Variants in COL13A1 observed in about 807,000 individuals in gnomAD.
The protein encoded by COL13A1 is collagen type XIII alpha 1 chain, also known as collagen alpha-1(XIII) chain.
In COL13A1, 89 loss-of-function variants were observed where a neutral mutation model predicts 130.9. The observed-to-expected ratio is 0.68, with a 90% confidence interval of 0.57 to 0.81. The LOEUF is 0.81. COL13A1 is among the 30% of genes least tolerant of loss of function. COL13A1 has a pLI of 0.00. For missense variants in COL13A1, 879 were observed against 934.6 expected (o/e 0.94, Z 0.78); for synonymous variants, 402 against 341.6 (o/e 1.18, Z -1.95).
chr10:69,896,335 G>T (rs1338292302), intron 13 of COL13A1, among the ~76,000 whole-genome samples: 1 of 152,094 alleles, frequency 6.6e-6, no homozygotes, highest in Non-Finnish European at 1.5e-5. Flanking sequence ...TTGGGACAGG[G>T]GAGAGCAAGA....
intron 2 of COL13A1, among the ~76,000 whole-genome samples, chr10:69,854,254 G>T (rs2704479): frequency 6.6e-6 from 1 of 152,102 alleles, no homozygotes; most frequent in Non-Finnish European, 1.5e-5. Flanking sequence ...ACATGCTTAA[G>T]GCCCTTTCTA....
intron 14 of COL13A1, among the ~76,000 whole-genome samples, chr10:69,902,149 T>G (rs2135111661): frequency 6.6e-6 from 1 of 152,308 alleles, no homozygotes; most frequent in South Asian, 2.1e-4. Context: ...TCCCAGTGTT[T>G]CATCAGAAGC....
At chr10:69,926,328 G>A (rs1393915228) in intron 26 of COL13A1, among the ~76,000 whole-genome samples, 1 of 152,216 alleles carries the variant, frequency 6.6e-6, no homozygotes, top group Non-Finnish European at 1.5e-5. Flanking sequence ...CTTTAAAGCA[G>A]GGTTTCCCAG....
chr10:69,859,488 G>T (rs1857375963), intron 2 of COL13A1, among the ~76,000 whole-genome samples: 1 of 152,230 alleles, frequency 6.6e-6, no homozygotes, highest in South Asian at 2.1e-4. Context: ...CAGGGCACTG[G>T]CCAGCAGAGC....
At chr10:69,809,712 AG>A (rs1303323346) in intron 1 of COL13A1, among the ~76,000 whole-genome samples, 5 of 152,392 alleles carry the variant, frequency 3.3e-5, no homozygotes, top group Non-Finnish European at 7.3e-5. Context: ...TTTGGCTCCC[AG>A]AGGCAGTGTT....
intron 6 of COL13A1, 124 bp from the exon 7 acceptor site, chr10:69,880,379 A>T: frequency 1.4e-6 from 1 of 719,046 alleles, no homozygotes; most frequent in Non-Finnish European, 2.6e-6. Flanking sequence ...CTCCTGTCCC[A>T]TGGGGCCGGC....
Position 69,942,757 on chromosome 10 carries a change from G to C in COL13A1, c.1915-1368G>C, listed in dbSNP as rs976770691. Among the ~76,000 whole-genome samples, 38 of 152,214 alleles carry C rather than the reference G, an allele frequency of 2.5e-4. 1 individual carries two copies. The highest frequency in any genetic ancestry group is 5.2e-4 in the Admixed American group (8 of 15,280). ...GGAAACCGACACTCGGCAAGGCTAA[G>C]GAGCTTCTCCAATACCCAGGAGTTT... On this transcript the variant is annotated intron_variant, in intron 35 of 40. Transcript: ENST00000645393.
In COL13A1 at chr10:69,822,355, GTC is replaced by G; in HGVS notation, c.295-11_295-10del. 6.4e-7 allele frequency: 1 copy of G among 1,569,190 alleles called. No homozygotes were observed. The highest frequency in any genetic ancestry group is 8.6e-7 in the Non-Finnish European group (1 of 1,157,580). On this transcript the variant is annotated splice_polypyrimidine_tract_variant and intron_variant, in intron 1 of 40. Transcript: ENST00000645393. ...GAGCTCCTGGTGACTCCTCTTGTCT[GTC>G]TCCTTGTACAGAAATGGAAGCTCCA...
At chr10:69,866,827 G>A (rs1031381576) in intron 2 of COL13A1, among the ~76,000 whole-genome samples, 1 of 152,114 alleles carries the variant, frequency 6.6e-6, no homozygotes, top group Non-Finnish European at 1.5e-5. Flanking sequence ...AGGAGCACGG[G>A]GAAACATAGG....
At chr10:69,901,191 G>C (rs899093786) in intron 14 of COL13A1, among the ~76,000 whole-genome samples, 11 of 152,280 alleles carry the variant, frequency 7.2e-5, no homozygotes, top group African/African-American at 2.6e-4. Context: ...AGCCGGGTGG[G>C]GGACCTGCAG....
chr10:69,907,638 A>T (rs2062903823), intron 17 of COL13A1, among the ~76,000 whole-genome samples: 1 of 151,550 alleles, frequency 6.6e-6, no homozygotes, highest in Non-Finnish European at 1.5e-5. Flanking sequence ...TCCCACAATA[A>T]CTAACCCACT....
intron 34 of COL13A1, 100 bp downstream of exon 34, chr10:69,937,815 G>C (rs1192115532): frequency 1.5e-6 from 1 of 651,366 alleles, no homozygotes; most frequent in Non-Finnish European, 2.8e-6. Context: ...TCTAGAGTCT[G>C]AGCATCCAGA....
chr10:69,888,230 C>T, intron 8 of COL13A1, 74 bp from the exon 9 acceptor site: 1 of 1,562,236 alleles, frequency 6.4e-7, no homozygotes. Context: ...TGTGCTTTTC[C>T]CCACTGCCCA....
Position 69,802,132 on chromosome 10 carries a change from G to T in COL13A1, c.-292G>T. 2.7e-6 allele frequency: 1 copy of T among 370,486 alleles called. No individual in the cohort carries two copies. 22.9% of individuals were successfully genotyped at this position (370,486 alleles called of 1,614,324 possible). The stretch of plus-strand genomic sequence containing the variant: ...GACACTTGAAGGGAAAGACTGGGCG[G>T]AGAGAAGGAGAGCCGGTCAGATTCC... On this transcript the variant is annotated 5_prime_UTR_variant, in exon 1 of 41. Transcript: ENST00000645393.
At chr10:69,824,050 G>C (rs1027151532) in intron 2 of COL13A1, 1 of 468,618 alleles carries the variant, frequency 2.1e-6, no homozygotes, top group African/African-American at 2.0e-5. Context: ...GATATTTGAA[G>C]CCACAGAGGA....
chr10:69,914,897 G>C (rs1360361750), intron 17 of COL13A1, among the ~76,000 whole-genome samples: 1 of 152,200 alleles, frequency 6.6e-6, no homozygotes, highest in Non-Finnish European at 1.5e-5. Context: ...TGCGCTGAGC[G>C]GCCCCCACAC....
At chr10:69,932,657 T>G in intron 31 of COL13A1, 53 bp downstream of exon 31, 1 of 1,189,724 alleles carries the variant, frequency 8.4e-7, no homozygotes. Context: ...CTCTGCAGCA[T>G]GCACAGTATT....
At chr10:69,914,896 C>A (rs142368609) in intron 17 of COL13A1, among the ~76,000 whole-genome samples, 1 of 152,180 alleles carries the variant, frequency 6.6e-6, no homozygotes, top group Non-Finnish European at 1.5e-5. Flanking sequence ...CTGCGCTGAG[C>A]GGCCCCCACA....
At chr10:69,871,081 C>T (rs1454348891) in intron 3 of COL13A1, among the ~76,000 whole-genome samples, 5 of 152,032 alleles carry the variant, frequency 3.3e-5, no homozygotes, top group African/African-American at 9.7e-5. Flanking sequence ...CTCACCCTGG[C>T]GCGTTCCCTT....
Sources: gnomAD v4.1 joint callset for allele counts (sites outside exome capture counted in the v4.1 genomes callset) on GRCh38, gnomAD v4.1.1 for gene constraint, MANE v1.5 for transcripts, NCBI Gene and HGNC (gene_info 2026-07-23, HGNC 2026-07-21) for gene names.